The following CBLN2 variants were observed in gnomAD, a reference collection of about 807,000 sequenced individuals.
CBLN2 encodes the protein cerebellin-2.
CBLN2 carries 7 observed loss-of-function variants against 15.0 expected under a neutral mutation model. The ratio of observed to expected loss-of-function variants is 0.47; its 90% CI spans 0.27 to 0.88. CBLN2 has a LOEUF of 0.88. Ranked by LOEUF, CBLN2 falls within the 40% of genes least tolerant of loss-of-function variation. CBLN2 has a pLI of 0.14. For missense variants in CBLN2, 242 were observed against 304.5 expected (o/e 0.79, Z 1.53); for synonymous variants, 149 against 135.2 (o/e 1.10, Z -0.71).
chr18:72,575,539 A>G (rs2069360185), intron 1 of CBLN2, among the ~76,000 whole-genome samples: 2 of 152,136 alleles, frequency 1.3e-5, no homozygotes, highest in African/African-American at 4.8e-5. Flanking sequence ...TGCAGCAGTG[A>G]GAAGGGAGGT....
chr18:72,578,538 T>C (rs534829434), intron 1 of CBLN2, among the ~76,000 whole-genome samples: 1 of 152,350 alleles, frequency 6.6e-6, no homozygotes, highest in Non-Finnish European at 1.5e-5. Context: ...GGTATACTCT[T>C]TGTCCCCTCC....
upstream of CBLN2, among the ~76,000 whole-genome samples, chr18:72,549,106 G>T (rs1453380271): frequency 6.6e-6 from 1 of 152,108 alleles, no homozygotes; most frequent in Non-Finnish European, 1.5e-5. Flanking sequence ...CTGCCTTCTG[G>T]ATTCAACAGA....
intron 1 of CBLN2, among the ~76,000 whole-genome samples, chr18:72,625,808 C>CTATATATATATA (rs1399918601): frequency 3.1e-5 from 2 of 64,624 alleles, no homozygotes; most frequent in Non-Finnish European, 6.8e-5. Context: ...CTCTCTCTCT[C>CTATATATATATA]TCTCTCTCTC....
chr18:72,571,680 A>G (rs963142264), intron 1 of CBLN2, among the ~76,000 whole-genome samples: 1 of 152,224 alleles, frequency 6.6e-6, no homozygotes, highest in Non-Finnish European at 1.5e-5. Flanking sequence ...AATAACAGCA[A>G]ACTAAACCTA....
chr18:72,556,590 C>T (rs1327325927), intron 1 of CBLN2, among the ~76,000 whole-genome samples: 1 of 152,194 alleles, frequency 6.6e-6, no homozygotes, highest in Admixed American at 6.5e-5. Flanking sequence ...ATAAAACAGT[C>T]CTTTCCTGTC....
chr18:72,617,814 T>G (rs1283425380), intron 1 of CBLN2, among the ~76,000 whole-genome samples: 1 of 152,102 alleles, frequency 6.6e-6, no homozygotes, highest in African/African-American at 2.4e-5. Context: ...TGAGACTCAG[T>G]TAGTAGTAAT....
rs187355630 is a variant in CBLN2 at position 72,622,456 on chromosome 18, G to C, written c.15+15869C>G. 4.3e-3 allele frequency among the ~76,000 whole-genome samples: 659 copies of C among 152,052 alleles called. 3 individuals carry two copies. The highest frequency in any genetic ancestry group is 7.6e-3 in the Non-Finnish European group (516 of 68,006). Reference sequence around the variant, plus strand: ...AGTTTACAAGATTCTCAGCCTTATGGGTGAGTAAGAAAAGTGACTTACTGG... The same window carrying C: ...AGTTTACAAGATTCTCAGCCTTATGCGTGAGTAAGAAAAGTGACTTACTGG... On this transcript the variant is annotated intron_variant, in intron 1 of 2. Transcript: ENST00000581073.
chr18:72,615,078 A>T (rs6566643), intron 1 of CBLN2, among the ~76,000 whole-genome samples: 133,882 of 134,044 alleles, frequency 1, 66,861 homozygotes, highest in Middle Eastern at 1. Context: ...TTTATATATT[A>T]TAGAAAATAT....
At chr18:72,607,173 C>A (rs1385449199) in intron 1 of CBLN2, among the ~76,000 whole-genome samples, 2 of 152,144 alleles carry the variant, frequency 1.3e-5, no homozygotes, top group Non-Finnish European at 2.9e-5. Flanking sequence ...GAAACAGATT[C>A]TCCCTCACAG....
chr18:72,536,766 T>C lies in CBLN2; in HGVS notation c.*1410A>G, dbSNP rs1226835439. On this transcript the variant is annotated 3_prime_UTR_variant, in exon 5 of 5. Coordinates refer to ENST00000269503, the MANE Select transcript of CBLN2 (RefSeq NM_182511.4). ...GTTACATTGTTACACAAAGAACAAA[T>C]TAACATCTGGTTTGAGGTCTCCTTT... 1.3e-5 allele frequency: 2 copies of C among 152,632 alleles called. No individual in the cohort carries two copies. The highest frequency in any genetic ancestry group is 2.9e-5 in the Non-Finnish European group (2 of 68,042). The allele number at this position is 152,632 out of a possible 1,614,324, so 9.5% of individuals were successfully genotyped here.
intron 1 of CBLN2, chr18:72,638,254 A>C (rs1367371969): frequency 2.5e-6 from 1 of 398,510 alleles, no homozygotes; most frequent in Admixed American, 4.4e-5. Flanking sequence ...TTCATTCCAC[A>C]GTCTTTGGGA....
At chr18:72,603,137 C>T (rs923408862) in intron 1 of CBLN2, among the ~76,000 whole-genome samples, 4 of 152,270 alleles carry the variant, frequency 2.6e-5, no homozygotes, top group Non-Finnish European at 4.4e-5. Context: ...AGTTCCATTT[C>T]TTTCCTCTGT....
intron 1 of CBLN2, among the ~76,000 whole-genome samples, chr18:72,571,024 A>G (rs910506764): frequency 6.6e-6 from 1 of 152,142 alleles, no homozygotes. Flanking sequence ...GATGTTTATC[A>G]TATTATATAT....
At chr18:72,546,969 CTGAG>C (rs1477416513), upstream of CBLN2, among the ~76,000 whole-genome samples, 1 of 152,128 alleles carries the variant, frequency 6.6e-6, no homozygotes, top group Admixed American at 6.5e-5. Context: ...AATTCCACTA[CTGAG>C]TATCTACTCA....
intron 1 of CBLN2, among the ~76,000 whole-genome samples, chr18:72,581,466 G>A (rs531863092): frequency 6.6e-6 from 1 of 151,986 alleles, no homozygotes; most frequent in African/African-American, 2.4e-5. Context: ...TATTTCCTTG[G>A]TTACTGATAA....
chr18:72,627,430 A>T (rs963981677), intron 1 of CBLN2, among the ~76,000 whole-genome samples: 1 of 152,222 alleles, frequency 6.6e-6, no homozygotes, highest in Non-Finnish European at 1.5e-5. Flanking sequence ...ATGTAAGAAG[A>T]TGTTGCTGCG....
At position 72,551,341 on chromosome 18, in the gene CBLN2, G is replaced by A. The variant is rs191561578; in HGVS notation, c.16-12569C>T. On this transcript the variant is annotated intron_variant, in intron 1 of 2. Coordinates refer to the CBLN2 transcript ENST00000581073. ...CCTTTATTTTATTGGTGTATGTTTT[G>A]GTTTATAGAGGTTTCACATTCTCTA... 3.0e-3 allele frequency among the ~76,000 whole-genome samples: 456 copies of A among 152,180 alleles called. 4 individuals carry two copies. The highest frequency in any genetic ancestry group is 0.011 in the African/African-American group (439 of 41,504).
chr18:72,636,892 A>T (rs2069816477), intron 1 of CBLN2, among the ~76,000 whole-genome samples: 1 of 152,114 alleles, frequency 6.6e-6, no homozygotes, highest in South Asian at 2.1e-4. Flanking sequence ...TGACAACAAA[A>T]TTGGCCTTGG....
chr18:72,569,471 ATTATC>A (rs2069316472), intron 1 of CBLN2, among the ~76,000 whole-genome samples: 1 of 152,184 alleles, frequency 6.6e-6, no homozygotes. Flanking sequence ...TATGAAAACA[ATTATC>A]TTATTCTGTG....
Sources: gnomAD v4.1 joint callset for allele counts (sites outside exome capture counted in the v4.1 genomes callset) on GRCh38, gnomAD v4.1.1 for gene constraint, MANE v1.5 for transcripts, NCBI Gene and HGNC (gene_info 2026-07-23, HGNC 2026-07-21) for gene names.